The following WDPCP variants were observed in gnomAD, a reference collection of about 807,000 sequenced individuals.
WDPCP encodes WD repeat-containing and planar cell polarity effector protein fritz homolog.
Under a neutral mutation model 93.1 loss-of-function variants are expected in WDPCP, and 71 were observed. The ratio of observed to expected loss-of-function variants is 0.76; its 90% confidence interval spans 0.63 to 0.93. WDPCP has a LOEUF of 0.93. Ranked by LOEUF, WDPCP falls within the 40% of genes least tolerant of loss-of-function variation. The pLI is 0.00. For synonymous variants in WDPCP, 315 were observed against 315.0 expected (o/e 1.00, Z 0.00); for missense variants, 844 against 887.4 (o/e 0.95, Z 0.62).
intron 2 of WDPCP, chr2:63,717,710 C>T (rs917642247): frequency 4.4e-6 from 2 of 459,624 alleles, no homozygotes; most frequent in Admixed American, 2.4e-5. Context: ...CTTGGCCCAA[C>T]GTTGATGCCC....
intron 2 of WDPCP, among the ~76,000 whole-genome samples, chr2:63,673,160 T>G (rs1015835561): frequency 6.6e-5 from 10 of 152,150 alleles, no homozygotes; most frequent in Non-Finnish European, 1.2e-4. Context: ...AAGTGCTTGA[T>G]AAATGTACAA....
chr2:63,599,415 C>T (rs1433493970), intron 3 of WDPCP: 3 of 941,982 alleles, frequency 3.2e-6, no homozygotes, highest in East Asian at 3.0e-5. Context: ...GAACCTATTA[C>T]TTTTATTAAA....
At chr2:63,677,578 A>G (rs907874489) in intron 2 of WDPCP, among the ~76,000 whole-genome samples, 6 of 152,320 alleles carry the variant, frequency 3.9e-5, no homozygotes, top group African/African-American at 1.4e-4. Context: ...AATAAAAACT[A>G]TAAAGAAACA....
In WDPCP at chr2:63,474,441, C is replaced by G. The variant is rs566668085; in HGVS notation, c.384+10163G>C. 7.2e-5 allele frequency among the ~76,000 whole-genome samples: 11 copies of G among 152,148 alleles called. 1 individual carries two copies. The East Asian group carries it at 2.1e-3, about 29-fold the overall frequency. The stretch of plus-strand genomic sequence containing the variant: ...ATGTTTCTCTAGTATACATATCTAA[C>G]AATAGAATTGCCCTCCAATTGGCAA... On this transcript the variant is annotated intron_variant, in intron 6 of 17. Transcript: ENST00000272321.
At chr2:63,223,444 G>A (rs961155738) in intron 14 of WDPCP, among the ~76,000 whole-genome samples, 13 of 152,216 alleles carry the variant, frequency 8.5e-5, no homozygotes, top group South Asian at 2.1e-4. Flanking sequence ...GGCAATATTC[G>A]TACAGTTACA....
intron 3 of WDPCP, among the ~76,000 whole-genome samples, chr2:63,627,076 A>G (rs554934750): frequency 1.9e-4 from 29 of 152,166 alleles, no homozygotes; most frequent in African/African-American, 6.3e-4. Flanking sequence ...TACTTCCATT[A>G]ATAAGTAATT....
intron 15 of WDPCP, among the ~76,000 whole-genome samples, chr2:63,170,752 C>T (rs938073676): frequency 6.6e-6 from 1 of 152,056 alleles, no homozygotes; most frequent in Non-Finnish European, 1.5e-5. Context: ...TGAAACTGTT[C>T]ATCTTTTTCC....
intron 9 of WDPCP, among the ~76,000 whole-genome samples, chr2:63,415,280 T>G (rs11694795): frequency 0.26 from 38,816 of 152,012 alleles, 5,865 homozygotes; most frequent in East Asian, 0.65. Flanking sequence ...GGAGGATCAC[T>G]TGAGCACAGG....
At chr2:63,742,708 G>A (rs959870409) in intron 2 of WDPCP, among the ~76,000 whole-genome samples, 10 of 148,408 alleles carry the variant, frequency 6.7e-5, no homozygotes, top group African/African-American at 2.5e-4. Context: ...ACATAAAAAC[G>A]TTGGTGGATT....
At chr2:63,275,466 G>C (rs767912792) in intron 13 of WDPCP, among the ~76,000 whole-genome samples, 16 of 152,186 alleles carry the variant, frequency 1.1e-4, no homozygotes, top group Middle Eastern at 3.4e-3. Flanking sequence ...AGGAAAGCTA[G>C]AAAAAACAAA....
At chr2:63,285,065 A>G (rs1430193047) in intron 13 of WDPCP, among the ~76,000 whole-genome samples, 1 of 152,240 alleles carries the variant, frequency 6.6e-6, no homozygotes, top group Non-Finnish European at 1.5e-5. Flanking sequence ...CAAAGAACAG[A>G]TATGATAAAA....
chr2:63,763,868 T>C (rs1336517751), intron 2 of WDPCP, among the ~76,000 whole-genome samples: 4 of 152,130 alleles, frequency 2.6e-5, no homozygotes, highest in Admixed American at 6.5e-5. Flanking sequence ...GGTGGTGGTG[T>C]TGGGGGGAGG....
intron 14 of WDPCP, among the ~76,000 whole-genome samples, chr2:63,241,437 T>C (rs1679851801): frequency 6.6e-6 from 1 of 152,186 alleles, no homozygotes; most frequent in Admixed American, 6.5e-5. Context: ...GGCCGCAGTT[T>C]CAATTGTTTA....
At chr2:63,344,036 C>T (rs752559100) in intron 12 of WDPCP, among the ~76,000 whole-genome samples, 13 of 152,136 alleles carry the variant, frequency 8.5e-5, no homozygotes, top group Middle Eastern at 3.4e-3. Context: ...CCCAGGGATA[C>T]GTTCTATTTT....
chr2:63,406,321 T>C (rs758675281), intron 9 of WDPCP, among the ~76,000 whole-genome samples: 12 of 152,164 alleles, frequency 7.9e-5, no homozygotes, highest in Non-Finnish European at 1.6e-4. Context: ...ATAGGATCCA[T>C]ATCCAACTCC....
chr2:63,582,149 T>C (rs1483059650), intron 1 of WDPCP, among the ~76,000 whole-genome samples: 3 of 152,030 alleles, frequency 2.0e-5, no homozygotes, highest in Admixed American at 6.6e-5. Context: ...ACCTGGAGAC[T>C]AGAATATTAA....
intron 12 of WDPCP, among the ~76,000 whole-genome samples, chr2:63,354,206 A>G (rs1290908406): frequency 6.6e-6 from 1 of 152,204 alleles, no homozygotes; most frequent in Non-Finnish European, 1.5e-5. Flanking sequence ...TCACCAGACA[A>G]GGAACCCCTG....
At chr2:63,323,945 A>G (rs192036471) in intron 12 of WDPCP, among the ~76,000 whole-genome samples, 215 of 152,182 alleles carry the variant, frequency 1.4e-3, no homozygotes, top group African/African-American at 4.6e-3. Flanking sequence ...CCAAAACCAC[A>G]GGCGGTTTTG....
At chr2:63,155,001 CT>C (rs1672139296) in intron 15 of WDPCP, among the ~76,000 whole-genome samples, 1 of 152,132 alleles carries the variant, frequency 6.6e-6, no homozygotes, top group African/African-American at 2.4e-5. Context: ...TGTTTTCTTA[CT>C]GTTGAGCTTT....
Sources: gnomAD v4.1 joint callset for allele counts (sites outside exome capture counted in the v4.1 genomes callset) on GRCh38, gnomAD v4.1.1 for gene constraint, MANE v1.5 for transcripts, NCBI Gene and HGNC (gene_info 2026-07-23, HGNC 2026-07-21) for gene names.